PLPPR1: variants seen among roughly 807,000 people sequenced by gnomAD.
The protein encoded by PLPPR1 is phospholipid phosphatase related 1, also known as phospholipid phosphatase-related protein type 1.
In PLPPR1, 10 loss-of-function variants were observed where a neutral mutation model predicts 33.1. The ratio of observed to expected loss-of-function variants is 0.30; its 90% CI spans 0.19 to 0.51. The LOEUF (loss-of-function observed/expected upper bound fraction) is 0.51, where lower values mean the gene tolerates loss of function less well. PLPPR1 is among the 20% of genes least tolerant of loss of function. The pLI is 0.97. For synonymous variants in PLPPR1, 151 were observed against 151.0 expected (o/e 1.00, Z 0.00); for missense variants, 304 against 408.1 (o/e 0.74, Z 2.20).
intron 2 of PLPPR1, among the ~76,000 whole-genome samples, chr9:101,210,337 C>G (rs750972408): frequency 1.3e-5 from 2 of 152,130 alleles, no homozygotes; most frequent in African/African-American, 2.4e-5. Context: ...CTTAGGAATC[C>G]TTAATCCAGG....
At chr9:101,316,406 C>A (rs991741113) in intron 6 of PLPPR1, among the ~76,000 whole-genome samples, 2 of 151,328 alleles carry the variant, frequency 1.3e-5, no homozygotes, top group Admixed American at 6.6e-5. Flanking sequence ...GACTGCACTC[C>A]AGCCTGGGTG....
At chr9:101,167,185 T>TGTGTGTGTGTGTGTGTGTGTG (rs1491118695) in intron 1 of PLPPR1, among the ~76,000 whole-genome samples, 173 of 68,056 alleles carry the variant, frequency 2.5e-3, no homozygotes, top group Non-Finnish European at 3.5e-3. Context: ...TGTGTGTGTC[T>TGTGTGTGTGTGTGTGTGTGTG]TTCTCTCTCT....
At chr9:101,152,044 T>C (rs973578044) in intron 1 of PLPPR1, among the ~76,000 whole-genome samples, 4 of 152,166 alleles carry the variant, frequency 2.6e-5, no homozygotes, top group African/African-American at 9.7e-5. Context: ...TTTCTCCACA[T>C]CCTCTCCAGC....
intron 1 of PLPPR1, among the ~76,000 whole-genome samples, chr9:101,077,433 T>C (rs1450615294): frequency 6.6e-6 from 1 of 152,230 alleles, no homozygotes; most frequent in African/African-American, 2.4e-5. Context: ...TCATGTATTC[T>C]AGACATATGC....
chr9:101,234,498 G>A (rs544467625), intron 2 of PLPPR1, among the ~76,000 whole-genome samples: 21 of 151,368 alleles, frequency 1.4e-4, no homozygotes, highest in Admixed American at 1.1e-3. Context: ...GACTTGGTTC[G>A]TATCATGTCC....
chr9:101,265,421 C>T (rs1827971866), intron 2 of PLPPR1, among the ~76,000 whole-genome samples: 1 of 152,172 alleles, frequency 6.6e-6, no homozygotes, highest in Non-Finnish European at 1.5e-5. Context: ...AGCATGGCCT[C>T]ACCATCTGCT....
intron 6 of PLPPR1, 97 bp downstream of exon 6, chr9:101,313,071 G>T: frequency 1.9e-6 from 2 of 1,050,566 alleles, no homozygotes; most frequent in South Asian, 1.4e-5. Flanking sequence ...TGTTCCTTTC[G>T]TCCCAACCTT....
intron 5 of PLPPR1, among the ~76,000 whole-genome samples, chr9:101,311,382 C>G (rs1828952416): frequency 6.6e-6 from 1 of 152,172 alleles, no homozygotes; most frequent in East Asian, 1.9e-4. Flanking sequence ...TATTACATGT[C>G]AAATGCTTTC....
intron 1 of PLPPR1, among the ~76,000 whole-genome samples, chr9:101,050,305 G>C (rs187874466): frequency 1.1e-3 from 165 of 152,130 alleles, no homozygotes; most frequent in African/African-American, 3.9e-3. Context: ...AAAACAAAAA[G>C]ATGTACATGT....
intron 1 of PLPPR1, among the ~76,000 whole-genome samples, chr9:101,182,028 A>G (rs1301087387): frequency 6.6e-6 from 1 of 151,252 alleles, no homozygotes; most frequent in Non-Finnish European, 1.5e-5. Flanking sequence ...TTACTATACT[A>G]TTTGGTGAAC....
chr9:101,290,686 A>T (rs2118922480), intron 4 of PLPPR1, among the ~76,000 whole-genome samples: 1 of 152,350 alleles, frequency 6.6e-6, no homozygotes, highest in South Asian at 2.1e-4. Flanking sequence ...TTTTTTAAAA[A>T]AATGAGGCCA....
chr9:101,109,408 C>A (rs1564147113), intron 1 of PLPPR1, among the ~76,000 whole-genome samples: 2 of 152,242 alleles, frequency 1.3e-5, no homozygotes, highest in South Asian at 4.2e-4. Flanking sequence ...GTAGTTGATG[C>A]ATTTAAATAA....
At chr9:101,098,996 A>G (rs1830857885) in intron 1 of PLPPR1, among the ~76,000 whole-genome samples, 1 of 152,248 alleles carries the variant, frequency 6.6e-6, no homozygotes, top group South Asian at 2.1e-4. Flanking sequence ...TCCTGGGTTC[A>G]AAGCCTAAAG....
At chr9:101,054,334 C>A (rs572454729) in intron 1 of PLPPR1, among the ~76,000 whole-genome samples, 1 of 151,040 alleles carries the variant, frequency 6.6e-6, no homozygotes, top group Non-Finnish European at 1.5e-5. Flanking sequence ...AATTCTATAA[C>A]GTAATTTTCA....
intron 1 of PLPPR1, among the ~76,000 whole-genome samples, chr9:101,082,626 G>A (rs958091649): frequency 6.6e-6 from 1 of 152,164 alleles, no homozygotes; most frequent in Non-Finnish European, 1.5e-5. Flanking sequence ...TGCACTGGAA[G>A]CTTGGCCACT....
intron 2 of PLPPR1, among the ~76,000 whole-genome samples, chr9:101,219,607 G>A (rs965794251): frequency 1.3e-5 from 2 of 152,172 alleles, no homozygotes; most frequent in Admixed American, 6.5e-5. Context: ...ATATTAAGAT[G>A]TTCTACTTGT....
chr9:101,248,376 T>C lies in PLPPR1; in HGVS notation c.64-21504T>C, dbSNP rs76084154. On this transcript the variant is annotated intron_variant, in intron 2 of 7. Coordinates refer to ENST00000374874, the MANE Select transcript of PLPPR1 (RefSeq NM_207299.2). Reference sequence around the variant, plus strand: ...TCTTACAAAGTACTTTCACATTTCATTGAATAAATTTCAACTGCAAATACC... The same window carrying C: ...TCTTACAAAGTACTTTCACATTTCACTGAATAAATTTCAACTGCAAATACC... Among the ~76,000 whole-genome samples the C allele has an allele frequency of 6.5e-3, 983 of 152,212 alleles. 9 individuals carry two copies. Among genetic ancestry groups the C allele is most frequent in the African/African-American group, 0.022 (933 of 41,568 alleles).
intron 6 of PLPPR1, among the ~76,000 whole-genome samples, chr9:101,315,475 TG>T (rs1292486016): frequency 6.6e-6 from 1 of 152,006 alleles, no homozygotes; most frequent in Non-Finnish European, 1.5e-5. Context: ...GGGATGATAT[TG>T]GGGTTTGCTG....
At chr9:101,280,017 T>G (rs1012359150) in intron 3 of PLPPR1, among the ~76,000 whole-genome samples, 1 of 151,950 alleles carries the variant, frequency 6.6e-6, no homozygotes, top group Non-Finnish European at 1.5e-5. Context: ...GAAAAGTTGG[T>G]TTTTTGAAAG....
Sources: gnomAD v4.1 joint callset for allele counts (sites outside exome capture counted in the v4.1 genomes callset) on GRCh38, gnomAD v4.1.1 for gene constraint, MANE v1.5 for transcripts, NCBI Gene and HGNC (gene_info 2026-07-23, HGNC 2026-07-21) for gene names.